Variants in CEP112 observed in about 807,000 individuals in gnomAD.
CEP112 encodes the protein centrosomal protein 112, also known as centrosomal protein of 112 kDa.
In CEP112, 127 loss-of-function variants were observed where a neutral mutation model predicts 153.0. The ratio of observed to expected loss-of-function variants is 0.83; its 90% confidence interval spans 0.72 to 0.96. CEP112 has a LOEUF of 0.96. Among genes scored for constraint, CEP112 ranks in the 40% least tolerant of loss-of-function variants. The pLI is 0.00. For missense variants in CEP112, 1,089 were observed against 1,101.2 expected (o/e 0.99, Z 0.16); for synonymous variants, 358 against 374.4 (o/e 0.96, Z 0.51).
chr17:65,896,772 C>A (rs530265645), intron 20 of CEP112, among the ~76,000 whole-genome samples: 1 of 152,058 alleles, frequency 6.6e-6, no homozygotes, highest in South Asian at 2.1e-4. Flanking sequence ...AAAACTCTAT[C>A]AATATTTTGA....
rs150493455 is a variant in CEP112, at chr17:65,955,712, G to A, written c.1872+5751C>T. On this transcript the variant is annotated intron_variant, in intron 18 of 26. Transcript: ENST00000535342. ...AGCAGGAGTAGCTATTCTTATATCAGACAAAACAAACTTTAAAGCAACTGC... is the reference window on the plus strand; with the variant it reads ...AGCAGGAGTAGCTATTCTTATATCAAACAAAACAAACTTTAAAGCAACTGC... 9.0e-3 allele frequency among the ~76,000 whole-genome samples: 1,365 copies of A among 152,188 alleles called. 19 individuals are homozygous for A. The highest frequency in any genetic ancestry group is 0.031 in the African/African-American group (1,304 of 41,542).
At chr17:65,942,289 A>C (rs1317048120) in intron 18 of CEP112, among the ~76,000 whole-genome samples, 6 of 152,224 alleles carry the variant, frequency 3.9e-5, no homozygotes, top group African/African-American at 1.4e-4. Flanking sequence ...CAGGTGGAAC[A>C]GTTTCATCCC....
At chr17:65,889,341 A>C (rs1006749680) in intron 20 of CEP112, among the ~76,000 whole-genome samples, 1 of 152,342 alleles carries the variant, frequency 6.6e-6, no homozygotes, top group Middle Eastern at 3.4e-3. Context: ...GTAGTAGTCC[A>C]TTTATGTATA....
At chr17:65,859,269 G>A (rs1414470450) in intron 20 of CEP112, among the ~76,000 whole-genome samples, 6 of 151,348 alleles carry the variant, frequency 4.0e-5, no homozygotes, top group Non-Finnish European at 8.9e-5. Flanking sequence ...GGCAAAACCC[G>A]TCTCTACTGA....
intron 12 of CEP112, among the ~76,000 whole-genome samples, chr17:66,052,655 C>T (rs907365867): frequency 1.3e-5 from 2 of 152,192 alleles, no homozygotes; most frequent in South Asian, 2.1e-4. Flanking sequence ...CATGTGATGT[C>T]TATGTCTGGT....
At chr17:65,833,749 T>C (rs998674939) in intron 21 of CEP112, among the ~76,000 whole-genome samples, 6 of 152,160 alleles carry the variant, frequency 3.9e-5, no homozygotes, top group African/African-American at 1.2e-4. Context: ...GCTCATGGAT[T>C]GGAAGAACCA....
At chr17:65,842,253 A>G (rs2057546532) in intron 21 of CEP112, among the ~76,000 whole-genome samples, 1 of 152,100 alleles carries the variant, frequency 6.6e-6, no homozygotes, top group African/African-American at 2.4e-5. Flanking sequence ...CTTTAAAACT[A>G]AACTAATTCA....
chr17:66,030,062 A>G, intron 12 of CEP112, 39 bp from the exon 13 acceptor site: 1 of 1,576,820 alleles, frequency 6.3e-7, no homozygotes, highest in Non-Finnish European at 8.6e-7. Flanking sequence ...TCTCTGACTC[A>G]GTTGTAACAC....
Position 65,852,042 on chromosome 17 carries a change from T to A in CEP112, c.2164-8A>T. 1 of 1,588,420 alleles carries A rather than the reference T, an allele frequency of 6.3e-7. No homozygotes were observed. The highest frequency in any genetic ancestry group is 8.5e-7 in the Non-Finnish European group (1 of 1,170,296). ...CTCCATGTCGGCAATAACCTTGTTT[T>A]TAAAAATGGAAAAATGGGCAGAAGA... On this transcript the variant is annotated splice_region_variant and splice_polypyrimidine_tract_variant and intron_variant, in intron 20 of 26. Coordinates refer to ENST00000535342, the MANE Select transcript of CEP112 (RefSeq NM_001199165.4).
chr17:65,818,971 G>C (rs1286312549), intron 21 of CEP112, among the ~76,000 whole-genome samples: 1 of 151,894 alleles, frequency 6.6e-6, no homozygotes, highest in Non-Finnish European at 1.5e-5. Flanking sequence ...TGAGGATGTT[G>C]CTGAAGATGT....
chr17:66,041,928 G>T (rs372179851), intron 12 of CEP112, among the ~76,000 whole-genome samples: 1 of 152,130 alleles, frequency 6.6e-6, no homozygotes, highest in African/African-American at 2.4e-5. Context: ...GCTGCCAAAC[G>T]GTAACTTCCT....
chr17:65,738,624 TAC>T (rs1206647546), intron 23 of CEP112, among the ~76,000 whole-genome samples: 1 of 152,214 alleles, frequency 6.6e-6, no homozygotes, highest in Non-Finnish European at 1.5e-5. Context: ...TAAAAACTGT[TAC>T]AGTTTTTTAT....
At position 65,707,951 on chromosome 17, in the gene CEP112, C is replaced by A. The variant is rs936981805; in HGVS notation, c.2608-18733G>T. On this transcript the variant is annotated intron_variant, in intron 23 of 26. Coordinates refer to ENST00000535342, the MANE Select transcript of CEP112 (RefSeq NM_001199165.4). ...AGCACAAACCAAGACTGGTTCTTGG[C>A]AGTGTAGCCAAAATTTTAACAGTGT... 7.9e-5 allele frequency among the ~76,000 whole-genome samples: 12 copies of A among 152,166 alleles called. 1 individual carries two copies. The highest frequency in any genetic ancestry group is 2.1e-4 in the South Asian group (1 of 4,822).
chr17:65,806,101 A>T (rs2055581763), intron 21 of CEP112, among the ~76,000 whole-genome samples: 2 of 152,338 alleles, frequency 1.3e-5, no homozygotes, highest in South Asian at 4.1e-4. Flanking sequence ...GAATCTTTCC[A>T]GTCTCAATTA....
intron 12 of CEP112, among the ~76,000 whole-genome samples, chr17:66,046,220 T>G (rs1232125214): frequency 6.6e-6 from 1 of 152,068 alleles, no homozygotes; most frequent in Non-Finnish European, 1.5e-5. Context: ...TTTTCTGTAT[T>G]TTTAGTAGAG....
In CEP112 at chr17:66,105,920, C is replaced by CT. The variant is rs1214638373; in HGVS notation, c.643-9289dup. On this transcript the variant is annotated intron_variant, in intron 6 of 26. Transcript: ENST00000535342. ...AGGCCACAAAATAAGTCTTTAAAAACTTTTTTGAATTTAAATTGCATCAAG... is the reference window on the plus strand; with the variant it reads ...AGGCCACAAAATAAGTCTTTAAAAACTTTTTTTGAATTTAAATTGCATCAAG... Among the ~76,000 whole-genome samples, 6 of 152,206 alleles carry CT rather than the reference C, an allele frequency of 3.9e-5. No homozygotes were observed. In the East Asian group the frequency reaches 1.2e-3, roughly 29 times the overall value.
chr17:65,962,280 T>G (rs1242143090), intron 17 of CEP112, among the ~76,000 whole-genome samples: 1 of 152,198 alleles, frequency 6.6e-6, no homozygotes, highest in Non-Finnish European at 1.5e-5. Context: ...CATGTTTTTT[T>G]TTTAAAACAA....
At chr17:66,064,974 T>G (rs921799348) in intron 10 of CEP112, among the ~76,000 whole-genome samples, 2 of 152,204 alleles carry the variant, frequency 1.3e-5, no homozygotes, top group African/African-American at 4.8e-5. Flanking sequence ...TGTCCTAATT[T>G]GTCAAAGCCA....
intron 20 of CEP112, among the ~76,000 whole-genome samples, chr17:65,876,849 T>C (rs999629110): frequency 3.9e-5 from 6 of 152,154 alleles, no homozygotes; most frequent in Non-Finnish European, 7.3e-5. Context: ...GATTGTTACA[T>C]TTTCAGAGCA....
Sources: allele counts gnomAD v4.1 joint callset (sites outside exome capture counted in the v4.1 genomes callset), GRCh38; gene constraint gnomAD v4.1.1; transcripts MANE v1.5; gene names NCBI Gene and HGNC (gene_info 2026-07-23, HGNC 2026-07-21).